TLR6: variants seen among roughly 807,000 people sequenced by gnomAD.
TLR6 encodes toll like receptor 6, also known as toll-like receptor 6.
TLR6 carries 9 observed loss-of-function variants against 16.1 expected under a neutral mutation model. That is an observed-to-expected ratio of 0.56 (90% CI 0.34 to 0.98). The LOEUF (loss-of-function observed/expected upper bound fraction) is 0.98, where lower values mean the gene tolerates loss of function less well. Among genes scored for constraint, TLR6 ranks in the 50% least tolerant of loss-of-function variants. The pLI is 0.02. For missense variants in TLR6, 786 were observed against 921.0 expected, an observed-to-expected ratio of 0.85 and a Z score of 1.90; for synonymous variants, 340 against 338.6, an observed-to-expected ratio of 1.00 and a Z score of -0.04.
At chr4:38,846,631 G>A (rs1228642039) in intron 1 of TLR6, among the ~76,000 whole-genome samples, 1 of 152,124 alleles carries the variant, frequency 6.6e-6, no homozygotes, top group African/African-American at 2.4e-5. Context: ...TAAAATACAA[G>A]AAGGATTATT....
At chr4:38,844,318 C>T (rs1341245322) in intron 1 of TLR6, among the ~76,000 whole-genome samples, 2 of 152,132 alleles carry the variant, frequency 1.3e-5, no homozygotes, top group South Asian at 2.1e-4. Context: ...AGTTGGGCAA[C>T]GATAGGAGAA....
At chr4:38,838,358 C>T (rs1434926552) in intron 1 of TLR6, among the ~76,000 whole-genome samples, 2 of 152,184 alleles carry the variant, frequency 1.3e-5, no homozygotes, top group Non-Finnish European at 2.9e-5. Context: ...AGTCCATCAA[C>T]AGATGAATGG....
intron 1 of TLR6, among the ~76,000 whole-genome samples, chr4:38,841,515 A>C (rs6843043): frequency 3.7e-4 from 56 of 152,120 alleles, no homozygotes; most frequent in African/African-American, 1.1e-3. Context: ...GCTTGAGCCC[A>C]GGAGACAGAG....
At chr4:38,854,703 T>G (rs750908462) in intron 1 of TLR6, among the ~76,000 whole-genome samples, 54 of 152,300 alleles carry the variant, frequency 3.5e-4, no homozygotes, top group South Asian at 1.0e-3. Context: ...TATACCTTCC[T>G]TTATTTTAGC....
intron 1 of TLR6, among the ~76,000 whole-genome samples, chr4:38,846,751 G>GAGTTGGCTGAAGGTGGGGT (rs1712546319): frequency 6.6e-6 from 1 of 152,102 alleles, no homozygotes; most frequent in Non-Finnish European, 1.5e-5. Flanking sequence ...AGGGAGAAGG[G>GAGTTGGCTGAAGGTGGGGT]AGTTGGCTGA....
upstream of TLR6, among the ~76,000 whole-genome samples, chr4:38,858,824 A>C (rs1713112073): frequency 8.9e-6 from 1 of 112,524 alleles, no homozygotes; most frequent in Non-Finnish European, 1.8e-5. Context: ...GGAGAGAGAG[A>C]GAGAGAGGAA....
the TLR6 span, among the ~76,000 whole-genome samples, chr4:38,862,579 C>A: frequency 2.0e-5 from 3 of 148,582 alleles, no homozygotes; most frequent in East Asian, 2.0e-4. Context: ...CCACACCTGG[C>A]CCCAATCACC....
chr4:38,854,146 C>T (rs1379012824), intron 1 of TLR6, among the ~76,000 whole-genome samples: 2 of 151,960 alleles, frequency 1.3e-5, no homozygotes, highest in African/African-American at 2.4e-5. Context: ...AAATCAATTG[C>T]CAATAATATG....
chr4:38,825,221 C>T (rs886891927), exon 2 of TLR6: 1 of 152,164 alleles, frequency 6.6e-6, no homozygotes, highest in East Asian at 1.9e-4. Flanking sequence ...GGGCAGATAC[C>T]ATAAATTTTA....
At chr4:38,854,569 A>C (rs1460079588) in intron 1 of TLR6, among the ~76,000 whole-genome samples, 1 of 152,184 alleles carries the variant, frequency 6.6e-6, no homozygotes, top group African/African-American at 2.4e-5. Context: ...ATTAAAAAAT[A>C]TAATATCCAG....
At chr4:38,841,478 C>A (rs1007974795) in intron 1 of TLR6, among the ~76,000 whole-genome samples, 1 of 152,066 alleles carries the variant, frequency 6.6e-6, no homozygotes, top group Non-Finnish European at 1.5e-5. Flanking sequence ...GTAGTCCCAG[C>A]TACTAGGGAG....
intron 1 of TLR6, among the ~76,000 whole-genome samples, chr4:38,851,930 T>C (rs1055526088): frequency 5.9e-5 from 9 of 152,204 alleles, no homozygotes; most frequent in African/African-American, 2.2e-4. Flanking sequence ...AAGTCAATCC[T>C]AAGCCAAAAG....
intron 1 of TLR6, among the ~76,000 whole-genome samples, chr4:38,840,714 T>C (rs1712219076): frequency 1.3e-5 from 2 of 151,854 alleles, no homozygotes; most frequent in South Asian, 4.2e-4. Context: ...GTGGTCTGTA[T>C]ATGAGTGCAT....
chr4:38,859,531 T>A (rs185609653), upstream of TLR6, among the ~76,000 whole-genome samples: 53 of 150,912 alleles, frequency 3.5e-4, no homozygotes, highest in African/African-American at 1.1e-3. Context: ...TGTTCACCTT[T>A]GAGCAGAAGA....
intron 1 of TLR6, among the ~76,000 whole-genome samples, chr4:38,833,838 C>A (rs1445338899): frequency 6.6e-6 from 1 of 151,790 alleles, no homozygotes; most frequent in Non-Finnish European, 1.5e-5. Flanking sequence ...AGAAATTCAA[C>A]AAAGAAATAG....
chr4:38,840,072 C>G (rs953353007), intron 1 of TLR6, among the ~76,000 whole-genome samples: 2 of 152,208 alleles, frequency 1.3e-5, no homozygotes, highest in Non-Finnish European at 2.9e-5. Context: ...GTGATCAAGG[C>G]TTCTAAAAGG....
At chr4:38,849,287 A>T (rs1712669742) in intron 1 of TLR6, among the ~76,000 whole-genome samples, 1 of 152,230 alleles carries the variant, frequency 6.6e-6, no homozygotes, top group Non-Finnish European at 1.5e-5. Context: ...AGCACTAAAC[A>T]TGGAAAGGAA....
chr4:38,831,326 T>G (rs1168898312), intron 1 of TLR6, among the ~76,000 whole-genome samples: 1 of 151,264 alleles, frequency 6.6e-6, no homozygotes, highest in Non-Finnish European at 1.5e-5. Context: ...GAGAAAGAAT[T>G]TAGACGCAGA....
At chr4:38,827,272 G>T (rs1435837095) in exon 2 of TLR6, 15 of 1,614,068 alleles carry the variant, frequency 9.3e-6, no homozygotes, top group Non-Finnish European at 1.1e-5. Flanking sequence ...GTTCCAGTAA[G>T]ATGAGGATTA....
Sources: allele counts gnomAD v4.1 joint callset (sites outside exome capture counted in the v4.1 genomes callset), GRCh38; gene constraint gnomAD v4.1.1; transcripts MANE v1.5; gene names NCBI Gene and HGNC (gene_info 2026-07-23, HGNC 2026-07-21).